The following CORO2B variants were observed in gnomAD, a reference collection of about 807,000 sequenced individuals.
CORO2B encodes coronin-2B.
CORO2B carries 26 observed loss-of-function variants against 58.8 expected under a neutral mutation model. The observed-to-expected ratio is 0.44, with a 90% CI of 0.32 to 0.61. CORO2B has a LOEUF of 0.61. Ranked by LOEUF, CORO2B falls within the 20% of genes least tolerant of loss-of-function variation. CORO2B has a pLI of 0.04. For missense variants in CORO2B, 460 were observed against 645.1 expected (o/e 0.71, Z 3.11); for synonymous variants, 242 against 253.8 (o/e 0.95, Z 0.44).
intron 2 of CORO2B, among the ~76,000 whole-genome samples, chr15:68,669,088 AAAGAAG>A (rs1418912897): frequency 6.6e-6 from 1 of 150,728 alleles, no homozygotes; most frequent in African/African-American, 2.5e-5. Flanking sequence ...AGAGAGAGAG[AAAGAAG>A]GAAGGAAGGA....
chr15:68,702,821 CTTTTTTTTTTT>C (rs113249272), intron 3 of CORO2B, among the ~76,000 whole-genome samples: 6 of 96,250 alleles, frequency 6.2e-5, no homozygotes, highest in African/African-American at 1.4e-4. Context: ...TTTTCTTTTT[CTTTTTTTTTTT>C]TTTTTTTTTT....
intron 1 of CORO2B, chr15:68,616,493 C>T (rs1900361322): frequency 1.6e-5 from 16 of 973,016 alleles, no homozygotes; most frequent in Non-Finnish European, 1.8e-5. Context: ...GCTGGCTTTA[C>T]TGCCATGCTC....
chr15:68,576,872 A>C (rs923698248), upstream of CORO2B, among the ~76,000 whole-genome samples: 2 of 152,206 alleles, frequency 1.3e-5, no homozygotes, highest in Non-Finnish European at 2.9e-5. Context: ...CCAGGGGTAC[A>C]CAGTGAGAGA....
chr15:68,626,832 A>G lies in CORO2B; in HGVS notation c.16-18328A>G, dbSNP rs559027419. Among the ~76,000 whole-genome samples the G allele has an allele frequency of 3.3e-5, 5 of 152,338 alleles. No homozygotes were observed. In the South Asian group the frequency reaches 1.0e-3, roughly 32 times the overall value. On this transcript the variant is annotated intron_variant, in intron 1 of 11. Coordinates refer to ENST00000261861, the MANE Select transcript of CORO2B (RefSeq NM_006091.5). ...TCCAGAGAGGCCAGGAGGTCTGGTC[A>G]GAGGCTGGGGCCCCAGCCCCCAGGC...
chr15:68,642,515 C>G (rs1440919210), intron 1 of CORO2B, among the ~76,000 whole-genome samples: 3 of 152,202 alleles, frequency 2.0e-5, no homozygotes, highest in East Asian at 1.9e-4. Context: ...TCATCTGTCT[C>G]CCCACTAGGC....
chr15:68,537,826 G>A, the CORO2B span, among the ~76,000 whole-genome samples: 1 of 152,334 alleles, frequency 6.6e-6, no homozygotes, highest in East Asian at 1.9e-4. Context: ...GACTTGAGTA[G>A]TTGCTACAGG....
At chr15:68,522,180 C>T in the CORO2B span, among the ~76,000 whole-genome samples, 2 of 152,120 alleles carry the variant, frequency 1.3e-5, no homozygotes, top group Non-Finnish European at 2.9e-5. Context: ...TTCTAGATGT[C>T]ATTTTCTTTC....
At chr15:68,634,374 C>T (rs762748961) in intron 1 of CORO2B, among the ~76,000 whole-genome samples, 40 of 152,200 alleles carry the variant, frequency 2.6e-4, no homozygotes, top group Non-Finnish European at 4.9e-4. Flanking sequence ...TTTGAAGGTG[C>T]AGATTGACTG....
intron 3 of CORO2B, among the ~76,000 whole-genome samples, chr15:68,707,933 C>T (rs1164268835): frequency 6.6e-6 from 1 of 151,958 alleles, no homozygotes; most frequent in Non-Finnish European, 1.5e-5. Context: ...ACATCACTCC[C>T]TCCCCCAATT....
intron 3 of CORO2B, among the ~76,000 whole-genome samples, chr15:68,703,150 C>CTT (rs57404468): frequency 3.0e-5 from 3 of 100,144 alleles, no homozygotes; most frequent in Admixed American, 1.1e-4. Flanking sequence ...TTCTTTTTTT[C>CTT]TTTTTTTTTT....
At chr15:68,686,770 A>G (rs1902992300) in intron 2 of CORO2B, among the ~76,000 whole-genome samples, 1 of 152,032 alleles carries the variant, frequency 6.6e-6, no homozygotes, top group African/African-American at 2.4e-5. Flanking sequence ...ATAGTGGCAC[A>G]TGCCTATAAT....
At position 68,695,312 on chromosome 15, in the gene CORO2B, T is replaced by G. The variant is rs541643189; in HGVS notation, c.333+56T>G. On this transcript the variant is annotated intron_variant, in intron 3 of 11. Transcript: ENST00000261861. ...GGGCTCAGGCCCCTCCCTGCTTCCT[T>G]TGGAGGCCTCTCTTCCTACCCTCCC... is the stretch of plus-strand genomic sequence containing the variant. The G allele has an allele frequency of 5.3e-5, 68 of 1,275,068 alleles. No individual in the cohort carries two copies. In the South Asian group the frequency reaches 7.8e-4, roughly 15 times the overall value. 79.0% of individuals were successfully genotyped at this position (1,275,068 alleles called of 1,614,324 possible).
At chr15:68,695,109 C>G in intron 2 of CORO2B, 31 bp from the exon 3 acceptor site, 1 of 1,557,320 alleles carries the variant, frequency 6.4e-7, no homozygotes, top group African/African-American at 1.4e-5. Flanking sequence ...AAACTAATCT[C>G]CTTCTCTCTC....
the CORO2B span, among the ~76,000 whole-genome samples, chr15:68,571,203 C>T: frequency 1.3e-5 from 2 of 152,202 alleles, no homozygotes; most frequent in Admixed American, 6.5e-5. Flanking sequence ...CCTTTCCCAT[C>T]CTGCCCCAGC....
At chr15:68,629,268 T>A (rs1311795545) in intron 1 of CORO2B, among the ~76,000 whole-genome samples, 3 of 152,260 alleles carry the variant, frequency 2.0e-5, no homozygotes, top group Admixed American at 6.5e-5. Context: ...CCATTGCAGG[T>A]CTGCTGTGTG....
intron 2 of CORO2B, among the ~76,000 whole-genome samples, chr15:68,681,102 A>G (rs1413485859): frequency 6.6e-6 from 1 of 150,460 alleles, no homozygotes; most frequent in East Asian, 1.9e-4. Flanking sequence ...AATCCCAGCT[A>G]CTCGCGAACC....
At chr15:68,536,378 G>A in the CORO2B span, among the ~76,000 whole-genome samples, 12 of 152,220 alleles carry the variant, frequency 7.9e-5, no homozygotes, top group Admixed American at 3.3e-4. Context: ...ATCTTGGCTT[G>A]TAGGAATCTT....
chr15:68,560,676 A>T, the CORO2B span, among the ~76,000 whole-genome samples: 1 of 152,036 alleles, frequency 6.6e-6, no homozygotes, highest in Non-Finnish European at 1.5e-5. Context: ...TGTCCTCCAC[A>T]TACAACCCAT....
rs946753029 is a variant in CORO2B at position 68,678,403 on chromosome 15, G to A, written c.217-16737G>A. On this transcript the variant is annotated intron_variant, in intron 2 of 11. Coordinates refer to ENST00000261861, the MANE Select transcript of CORO2B (RefSeq NM_006091.5). ...AATAACAGAGAAAAGACAGCAGGCGGTGGTTCACACCTGTAATCCCAACAC... is the reference window on the plus strand; with the variant it reads ...AATAACAGAGAAAAGACAGCAGGCGATGGTTCACACCTGTAATCCCAACAC... Among the ~76,000 whole-genome samples, 9 of 152,324 alleles carry A rather than the reference G, an allele frequency of 5.9e-5. No individual in the cohort carries two copies. In the South Asian group the frequency reaches 1.0e-3, roughly 18 times the overall value.
Sources: allele counts gnomAD v4.1 joint callset (sites outside exome capture counted in the v4.1 genomes callset), GRCh38; gene constraint gnomAD v4.1.1; transcripts MANE v1.5; gene names NCBI Gene and HGNC (gene_info 2026-07-23, HGNC 2026-07-21).